MAVS: variants seen among roughly 807,000 people sequenced by gnomAD.
MAVS encodes mitochondrial antiviral signaling protein, also known as mitochondrial antiviral-signaling protein.
In MAVS, 20 loss-of-function variants were observed where a neutral mutation model predicts 30.2. That is an observed-to-expected ratio of 0.66 (90% CI 0.47 to 0.96). The LOEUF (loss-of-function observed/expected upper bound fraction) is 0.96. Among genes scored for constraint, MAVS ranks in the 40% least tolerant of loss-of-function variants. The probability of loss-of-function intolerance (pLI) is 0.00; values close to 1 mark genes in which losing one functional copy is unlikely to be tolerated. For missense variants in MAVS, 624 were observed against 701.1 expected (o/e 0.89, Z 1.24); for synonymous variants, 278 against 293.9 (o/e 0.95, Z 0.55).
chr20:3,864,287 G>A lies in MAVS; in HGVS notation c.657G>A (p.Gly219=). ...GATSSLTPSR[G]PVSPSVSFQP... is the part of the protein sequence containing the mutation. ...CCTCCAGCCTCACACCATCCCGTGG[G>A]CCTGTGTCTCCATCTGTCTCCTTCC... The change falls in exon 6 of 7, where the codon GGG becomes GGA. Residue 219 remains glycine, a synonymous_variant. Transcript: ENST00000428216. The A allele has an allele frequency of 6.2e-7, 1 of 1,612,586 alleles. No homozygotes were observed.
intron 1 of MAVS, among the ~76,000 whole-genome samples, chr20:3,852,115 C>T (rs1473073175): frequency 6.6e-6 from 1 of 151,322 alleles, no homozygotes; most frequent in African/African-American, 2.4e-5. Context: ...CTGCCTCAGC[C>T]TCCCGAGTAG....
chr20:3,866,531 C>T lies in MAVS; in HGVS notation c.*384C>T, dbSNP rs1371881633. ...CATGTGGTGCTTGGGAATGCCTCTC[C>T]TGTTGCATTGGTCCCTGAAGGCCTC... On this transcript the variant is annotated 3_prime_UTR_variant, in exon 7 of 7. Transcript: ENST00000428216. 1 of 343,742 alleles carries T rather than the reference C, an allele frequency of 2.9e-6. No homozygotes were observed. Among genetic ancestry groups the T allele is most frequent in the African/African-American group, 2.1e-5 (1 of 47,494 alleles). The allele number at this position is 343,742 out of a possible 1,614,324, so 21.3% of individuals were successfully genotyped here. A position where few individuals can be genotyped will look rare whatever the true frequency, so the allele number is the denominator to read the frequency against.
chr20:3,848,357 C>T (rs957840229), intron 1 of MAVS, among the ~76,000 whole-genome samples: 8 of 152,164 alleles, frequency 5.3e-5, no homozygotes, highest in Admixed American at 2.0e-4. Context: ...CCTCGGCCTC[C>T]CAAAGTGCTG....
rs1568539070 is a variant in MAVS, at chr20:3,866,888, G to A, written c.*741G>A. ...GGGCTGGGGAGGAGACACCTGGTGG[G>A]CAGAGCTCAGGCAGAGGTTTGGATT... is the stretch of plus-strand genomic sequence containing the variant. On this transcript the variant is annotated 3_prime_UTR_variant, in exon 7 of 7. Transcript: ENST00000428216. 3 of 457,176 alleles carry A rather than the reference G, an allele frequency of 6.6e-6. No individual in the cohort carries two copies. The highest frequency in any genetic ancestry group is 1.5e-5 in the South Asian group (1 of 64,574). 28.3% of individuals were successfully genotyped at this position (457,176 alleles called of 1,614,324 possible).
Position 3,872,091 on chromosome 20 carries a change from C to G in MAVS, c.*5944C>G, listed in dbSNP as rs2089960059. On this transcript the variant is annotated 3_prime_UTR_variant, in exon 7 of 7. Coordinates refer to ENST00000428216, the MANE Select transcript of MAVS (RefSeq NM_020746.5). ...ACCCCGGGGCCCCAGGCTGGATGTT[C>G]TTTATGCCTGTGAACCACAGCTTAT... 1 of 152,242 alleles carries G rather than the reference C, an allele frequency of 6.6e-6. No individual in the cohort carries two copies. Among genetic ancestry groups the G allele is most frequent in the Admixed American group, 6.5e-5 (1 of 15,268 alleles). The allele number at this position is 152,242 out of a possible 1,614,324, so 9.4% of individuals were successfully genotyped here. A position where few individuals can be genotyped will look rare whatever the true frequency, so the allele number is the denominator to read the frequency against.
intron 4 of MAVS, 95 bp from the exon 5 acceptor site, chr20:3,862,159 G>T: frequency 7.1e-7 from 1 of 1,408,332 alleles, no homozygotes; most frequent in Non-Finnish European, 9.7e-7. Context: ...CATGGTGTGG[G>T]CTGAGGCCTA....
chr20:3,864,179 G>T, intron 5 of MAVS, 77 bp from the exon 6 acceptor site: 1 of 1,475,520 alleles, frequency 6.8e-7, no homozygotes. Context: ...TGAGATCTGG[G>T]CCAGAGGGAC....
At chr20:3,853,953 A>ATTTTTTTTT (rs56392229) in intron 1 of MAVS, among the ~76,000 whole-genome samples, 1 of 132,752 alleles carries the variant, frequency 7.5e-6, no homozygotes. Flanking sequence ...ATGCCCAGCT[A>ATTTTTTTTT]TTTTTTTTTT....
At chr20:3,860,149 C>A (rs2089854054) in intron 3 of MAVS, among the ~76,000 whole-genome samples, 1 of 152,006 alleles carries the variant, frequency 6.6e-6, no homozygotes, top group Non-Finnish European at 1.5e-5. Context: ...GGGCCCACAT[C>A]AGAACAGCTT....
chr20:3,859,458 A>G (rs1338274751), intron 3 of MAVS, among the ~76,000 whole-genome samples: 1 of 150,110 alleles, frequency 6.7e-6, no homozygotes. Context: ...CAGTGAGCCG[A>G]GATTGCGCCA....
At chr20:3,853,715 GC>G (rs1292542061) in intron 1 of MAVS, among the ~76,000 whole-genome samples, 4 of 152,010 alleles carry the variant, frequency 2.6e-5, no homozygotes, top group Non-Finnish European at 5.9e-5. Flanking sequence ...GATTGCTTGA[GC>G]CCACGAGTTC....
At chr20:3,863,874 A>G (rs575178848) in intron 5 of MAVS, among the ~76,000 whole-genome samples, 6 of 152,080 alleles carry the variant, frequency 3.9e-5, no homozygotes, top group African/African-American at 7.2e-5. Flanking sequence ...GTGGTAGGAG[A>G]GGGACAGCAG....
In MAVS at chr20:3,866,965, G is replaced by C. The variant is rs999414861; in HGVS notation, c.*818G>C. 8.8e-6 allele frequency: 4 copies of C among 456,726 alleles called. No homozygotes were observed. Among genetic ancestry groups the C allele is most frequent in the African/African-American group, 8.0e-5 (4 of 50,080 alleles). 28.3% of individuals were successfully genotyped at this position (456,726 alleles called of 1,614,324 possible). On this transcript the variant is annotated 3_prime_UTR_variant, in exon 7 of 7. Coordinates refer to ENST00000428216, the MANE Select transcript of MAVS (RefSeq NM_020746.5). ...TGGCTTTGGCAGATGTCAGACTTCT[G>C]GTCTTGCTTCTCCACGTGGACAGTG...
At position 3,865,873 on chromosome 20, in the gene MAVS, G is replaced by A. The variant is rs1284605956; in HGVS notation, c.1349G>A (p.Gly450Glu). ...AISASTSLGM[G>E]PCHGPEENEY... is the part of the protein sequence containing the mutation. ...AGTGCCAGCACCTCCTTGGGCATGG[G>A]GCCCTGCCATGGCCCAGAGGAGAAT... Residue 450 changes from glycine (G) to glutamate (E), a missense_variant, in exon 7 of 7, where the codon GGG (glycine) becomes GAG (glutamate). Physicochemically the swap from Gly to Glu is moderately conservative, Grantham distance 98 (BLOSUM62 -2). Coordinates refer to ENST00000428216, the MANE Select transcript of MAVS (RefSeq NM_020746.5). The surrounding 1 kb of genome is among the most constrained non-coding windows in gnomAD (Gnocchi z 4.7). 2.5e-5 allele frequency: 40 copies of A among 1,613,968 alleles called. 1 individual carries two copies. Among genetic ancestry groups the A allele is most frequent in the South Asian group, 9.9e-5 (9 of 91,092 alleles).
At chr20:3,853,786 C>CTGTT (rs892638271) in intron 1 of MAVS, among the ~76,000 whole-genome samples, 1 of 151,914 alleles carries the variant, frequency 6.6e-6, no homozygotes, top group African/African-American at 2.4e-5. Context: ...GAGACCCCAT[C>CTGTT]TGTTTGTTTG....
At chr20:3,855,249 C>T (rs1298268198) in intron 2 of MAVS, among the ~76,000 whole-genome samples, 1 of 152,126 alleles carries the variant, frequency 6.6e-6, no homozygotes, top group Admixed American at 6.6e-5. Flanking sequence ...TCGCCGAGCT[C>T]CCCCTTGTGT....
At chr20:3,864,968 T>C (rs1406810945) in intron 6 of MAVS, among the ~76,000 whole-genome samples, 180 bp downstream of exon 6, 1 of 152,248 alleles carries the variant, frequency 6.6e-6, no homozygotes, top group Admixed American at 6.5e-5. Flanking sequence ...CCCCACACCA[T>C]GTTCTCCAGG....
intron 1 of MAVS, among the ~76,000 whole-genome samples, chr20:3,851,465 C>G (rs2089758900): frequency 6.8e-6 from 1 of 147,004 alleles, no homozygotes; most frequent in South Asian, 2.1e-4. Context: ...GAGATCACAC[C>G]ACTGCACTCC....
chr20:3,864,532 C>T lies in MAVS; in HGVS notation c.902C>T (p.Thr301Ile), dbSNP rs138598490. The change falls in exon 6 of 7, where the codon ACC becomes ATC. Residue 301 changes from threonine to isoleucine, a missense_variant. Physicochemically the swap from Thr to Ile is moderately conservative, Grantham distance 89. Coordinates refer to ENST00000428216, the MANE Select transcript of MAVS (RefSeq NM_020746.5). Reference sequence around the variant, plus strand: ...TCTCTGCCCTCCAAAGTGCCTACCACCTTGATGCCTGTGAACACAGTGGCC... The same window carrying T: ...TCTCTGCCCTCCAAAGTGCCTACCATCTTGATGCCTGTGAACACAGTGGCC... ...ANSLPSKVPT[T>I]LMPVNTVALK... is the part of the protein sequence containing the mutation. The T allele has an allele frequency of 4.2e-4, 676 of 1,614,132 alleles. 5 individuals carry two copies. In the East Asian group the frequency reaches 0.015, roughly 35 times the overall value.
Sources: gnomAD v4.1 joint callset for allele counts (sites outside exome capture counted in the v4.1 genomes callset) on GRCh38, gnomAD v4.1.1 for gene constraint, Gnocchi (gnomAD v3.1) non-coding constraint, MANE v1.5 for transcripts, NCBI Gene and HGNC (gene_info 2026-07-23, HGNC 2026-07-21) for gene names.